CDH12: variants seen among roughly 807,000 people sequenced by gnomAD.
The protein encoded by CDH12 is cadherin 12, also known as cadherin-12.
A neutral mutation model predicts 74.1 loss-of-function variants in CDH12; 41 were observed. That is an observed-to-expected ratio of 0.55 (90% CI 0.43 to 0.72). The LOEUF is 0.72. CDH12 is among the 30% of genes least tolerant of loss of function. The probability of loss-of-function intolerance (pLI) is 0.00; values close to 1 mark genes in which losing one functional copy is unlikely to be tolerated. For missense variants in CDH12, 945 were observed against 977.2 expected, an observed-to-expected ratio of 0.97 and a Z score of 0.44; for synonymous variants, 399 against 355.0, an observed-to-expected ratio of 1.12 and a Z score of -1.39.
chr5:22,122,047 AG>A (rs1264909136), intron 4 of CDH12, among the ~76,000 whole-genome samples: 43 of 152,120 alleles, frequency 2.8e-4, no homozygotes, highest in Admixed American at 8.5e-4. Context: ...AATACTTATT[AG>A]GTCATGTTAG....
chr5:22,307,320 A>C (rs921344279), intron 3 of CDH12, among the ~76,000 whole-genome samples: 5 of 152,210 alleles, frequency 3.3e-5, no homozygotes, highest in Non-Finnish European at 7.3e-5. Flanking sequence ...ATGATACTAA[A>C]TGATTTGCAA....
At chr5:22,633,328 A>G (rs1738676542) in intron 1 of CDH12, among the ~76,000 whole-genome samples, 1 of 152,192 alleles carries the variant, frequency 6.6e-6, no homozygotes. Flanking sequence ...AAGTGAATAT[A>G]AAAGTGCAAT....
Position 22,571,143 on chromosome 5 carries a change from A to G in CDH12, c.-522-65779T>C, listed in dbSNP as rs180935555. ...TGCTTTGATCTATCCAAACCACTCA[A>G]ACTTTCTCCATATCAACAATAAGGC... On this transcript the variant is annotated intron_variant, in intron 1 of 14. Coordinates refer to ENST00000382254, the MANE Select transcript of CDH12 (RefSeq NM_004061.5). 2.7e-3 allele frequency among the ~76,000 whole-genome samples: 408 copies of G among 152,116 alleles called. 2 individuals carry two copies. Among genetic ancestry groups the G allele is most frequent in the Middle Eastern group, 6.8e-3 (2 of 294 alleles).
intron 3 of CDH12, among the ~76,000 whole-genome samples, chr5:22,305,261 A>G (rs1351076925): frequency 6.6e-6 from 1 of 152,190 alleles, no homozygotes; most frequent in Non-Finnish European, 1.5e-5. Context: ...CCAATACAGT[A>G]TGCTCCAACT....
At chr5:21,953,836 G>A (rs1755976280) in intron 6 of CDH12, among the ~76,000 whole-genome samples, 1 of 151,876 alleles carries the variant, frequency 6.6e-6, no homozygotes, top group African/African-American at 2.4e-5. Context: ...TGCATGAGCA[G>A]ATACATATTT....
chr5:22,609,517 T>A (rs944901645), intron 1 of CDH12, among the ~76,000 whole-genome samples: 2 of 152,204 alleles, frequency 1.3e-5, no homozygotes, highest in African/African-American at 2.4e-5. Context: ...AGAATATAAA[T>A]GTTCACAAAT....
intron 8 of CDH12, among the ~76,000 whole-genome samples, chr5:21,826,313 T>G (rs1302271856): frequency 6.6e-6 from 1 of 152,186 alleles, no homozygotes; most frequent in East Asian, 1.9e-4. Flanking sequence ...TAGATGAAGA[T>G]TCTCCTACTA....
Position 22,615,738 on chromosome 5 carries a change from G to A in CDH12, c.-522-110374C>T, listed in dbSNP as rs75682539. ...AAATGAAAATAATTTTTCCTTTTCA[G>A]TACAAGCTACACTGCCAATTAATCA... On this transcript the variant is annotated intron_variant, in intron 1 of 14. Transcript: ENST00000382254. Among the ~76,000 whole-genome samples the A allele has an allele frequency of 7.3e-3, 1,107 of 152,140 alleles. 37 individuals carry two copies. The highest frequency in any genetic ancestry group is 0.065 in the East Asian group (336 of 5,180).
chr5:22,050,184 T>A (rs1306659853), intron 5 of CDH12, among the ~76,000 whole-genome samples: 2 of 152,150 alleles, frequency 1.3e-5, no homozygotes, highest in Non-Finnish European at 2.9e-5. Context: ...CTCTACTTTT[T>A]TTTCTTTCCT....
intron 11 of CDH12, among the ~76,000 whole-genome samples, chr5:21,771,465 C>A (rs1413540462): frequency 6.6e-6 from 1 of 152,146 alleles, no homozygotes; most frequent in Non-Finnish European, 1.5e-5. Context: ...AAGATAATTT[C>A]TTCACCAATA....
chr5:22,230,097 C>T (rs1489779102), intron 3 of CDH12, among the ~76,000 whole-genome samples: 2 of 152,046 alleles, frequency 1.3e-5, no homozygotes, highest in Non-Finnish European at 2.9e-5. Context: ...CATAGTTCAA[C>T]AGCATATAGG....
At chr5:22,449,715 A>C (rs1167867140) in intron 2 of CDH12, among the ~76,000 whole-genome samples, 1 of 152,038 alleles carries the variant, frequency 6.6e-6, no homozygotes, top group African/African-American at 2.4e-5. Flanking sequence ...AGAACGGTTA[A>C]ATAGAAAGAG....
chr5:21,871,871 A>T (rs1404035173), intron 6 of CDH12, among the ~76,000 whole-genome samples: 1 of 152,154 alleles, frequency 6.6e-6, no homozygotes, highest in Non-Finnish European at 1.5e-5. Context: ...TCAAATACTG[A>T]TCTGGAATTT....
rs1240089571 is a variant in CDH12, at chr5:22,054,437, A to T, written c.231+24009T>A. On this transcript the variant is annotated intron_variant, in intron 5 of 14. Transcript: ENST00000382254. Reference sequence around the variant, plus strand: ...CATTTAGTTTCGGCCTTCTAAGAAGACTAGAATCTACCTTTGGGTCAGGCT... The same window carrying T: ...CATTTAGTTTCGGCCTTCTAAGAAGTCTAGAATCTACCTTTGGGTCAGGCT... Among the ~76,000 whole-genome samples, 9 of 152,108 alleles carry T rather than the reference A, an allele frequency of 5.9e-5. No individual in the cohort carries two copies. The South Asian group carries it at 6.2e-4, about 10-fold the overall frequency.
intron 8 of CDH12, among the ~76,000 whole-genome samples, chr5:21,832,895 TC>T (rs1749132900): frequency 1.2e-5 from 1 of 83,218 alleles, no homozygotes; most frequent in African/African-American, 7.7e-5. Flanking sequence ...TTAATATATA[TC>T]ATATAATATA....
chr5:22,679,709 C>G (rs566379905), intron 1 of CDH12, among the ~76,000 whole-genome samples: 3 of 152,030 alleles, frequency 2.0e-5, no homozygotes, highest in African/African-American at 7.2e-5. Context: ...TATGAATCAT[C>G]ATTTGCCCTT....
intron 1 of CDH12, among the ~76,000 whole-genome samples, chr5:22,648,977 A>G (rs1027202896): frequency 6.6e-6 from 1 of 151,856 alleles, no homozygotes; most frequent in African/African-American, 2.4e-5. Flanking sequence ...AGTTCAAAGA[A>G]ATGCTAATTA....
chr5:22,780,183 CAAG>C (rs1747316346), intron 1 of CDH12, among the ~76,000 whole-genome samples: 1 of 152,060 alleles, frequency 6.6e-6, no homozygotes, highest in African/African-American at 2.4e-5. Flanking sequence ...GCCAGGAGTT[CAAG>C]ACCAGCCTGA....
intron 4 of CDH12, among the ~76,000 whole-genome samples, chr5:22,095,685 C>G (rs1743718940): frequency 6.6e-6 from 1 of 151,646 alleles, no homozygotes; most frequent in African/African-American, 2.4e-5. Flanking sequence ...CTCTCCGTGT[C>G]TCTACCCCTT....
Sources: allele counts gnomAD v4.1 joint callset (sites outside exome capture counted in the v4.1 genomes callset), GRCh38; gene constraint gnomAD v4.1.1; transcripts MANE v1.5; gene names NCBI Gene and HGNC (gene_info 2026-07-23, HGNC 2026-07-21).